Variants in ODC1 observed in about 807,000 individuals in gnomAD.
ODC1 encodes the protein ornithine decarboxylase.
Under a neutral mutation model 41.5 loss-of-function variants are expected in ODC1, and 18 were observed. That is an observed-to-expected ratio of 0.43 (90% CI 0.30 to 0.64). The LOEUF (loss-of-function observed/expected upper bound fraction) is 0.64, where lower values mean the gene tolerates loss of function less well. Among genes scored for constraint, ODC1 ranks in the 30% least tolerant of loss-of-function variants. The probability of loss-of-function intolerance (pLI) is 0.11; values close to 1 mark genes in which losing one functional copy is unlikely to be tolerated. For synonymous variants in ODC1, 218 were observed against 211.6 expected (o/e 1.03, Z -0.26); for missense variants, 504 against 589.0 (o/e 0.86, Z 1.49).
rs1261581474 is a variant in ODC1 at position 10,440,542 on chromosome 2, T to G, written c.*182A>C. ...AATAAAAATCCATATAAAACAAATA[T>G]TCAAATAGTTTCCATAGGAACACAG... On this transcript the variant is annotated 3_prime_UTR_variant, in exon 12 of 12. Coordinates refer to ENST00000234111, the MANE Select transcript of ODC1 (RefSeq NM_002539.3). 3.6e-6 allele frequency: 2 copies of G among 558,646 alleles called. No individual in the cohort carries two copies. Among genetic ancestry groups the G allele is most frequent in the African/African-American group, 3.8e-5 (2 of 52,008 alleles). 34.6% of individuals were successfully genotyped at this position (558,646 alleles called of 1,614,324 possible).
intron 6 of ODC1, 27 bp downstream of exon 6, chr2:10,443,675 C>T (rs1187833940): frequency 3.1e-6 from 5 of 1,613,140 alleles, no homozygotes; most frequent in African/African-American, 1.3e-5. Flanking sequence ...AATGTCTTGA[C>T]CTCTAGCTAT....
chr2:10,444,955 C>T lies in ODC1; in HGVS notation c.78G>A (p.Gln26=). 6.2e-7 allele frequency: 1 copy of T among 1,613,240 alleles called. No homozygotes were observed. The highest frequency in any genetic ancestry group is 8.5e-7 in the Non-Finnish European group (1 of 1,179,216). ...EGFTAKDILD[Q]KINEVSSSDD... is the part of the protein sequence containing the mutation. ...CAGAAGAAGAAACTTCATTAATTTT[C>T]TGGTCCAGAATGTCCTTGGCAGTAA... Residue 26 remains glutamine, a synonymous_variant, in exon 3 of 12, where the codon CAG becomes CAA. Coordinates refer to ENST00000234111, the MANE Select transcript of ODC1 (RefSeq NM_002539.3).
chr2:10,447,165 C>A (rs1487720529), intron 1 of ODC1, among the ~76,000 whole-genome samples: 1 of 152,072 alleles, frequency 6.6e-6, no homozygotes, highest in African/African-American at 2.4e-5. Context: ...TCTTTTAAGG[C>A]GTTACTTAAG....
At chr2:10,440,919 GC>G in intron 11 of ODC1, 51 bp from the exon 12 acceptor site, 1 of 1,595,706 alleles carries the variant, frequency 6.3e-7, no homozygotes, top group Non-Finnish European at 8.6e-7. Flanking sequence ...TCCTAACTGG[GC>G]ATGAGAGTAT....
At chr2:10,441,789 T>G (rs2148067251) in intron 10 of ODC1, 28 bp downstream of exon 10, 1 of 1,612,720 alleles carries the variant, frequency 6.2e-7, no homozygotes, top group South Asian at 1.1e-5. Context: ...TCCTCTTAAT[T>G]GTTTTATACA....
chr2:10,442,177 AAG>A lies in ODC1; in HGVS notation c.751-5_751-4del, dbSNP rs778045093. Reference sequence around the variant, plus strand: ...GCTGGGTTGATTACGCCGGTGATCTAAGAGAGTGAAACAGAAAAGAAAGAGCA... The same window carrying A: ...GCTGGGTTGATTACGCCGGTGATCTAAGAGTGAAACAGAAAAGAAAGAGCA... On this transcript the variant is annotated splice_region_variant and splice_polypyrimidine_tract_variant and intron_variant, in intron 8 of 11. Coordinates refer to ENST00000234111, the MANE Select transcript of ODC1 (RefSeq NM_002539.3). The A allele has an allele frequency of 3.1e-6, 5 of 1,591,680 alleles. No individual in the cohort carries two copies. The highest frequency in any genetic ancestry group is 4.3e-6 in the Non-Finnish European group (5 of 1,170,358).
chr2:10,444,436 T>A (rs1671943865), intron 4 of ODC1, 38 bp downstream of exon 4: 15 of 1,565,908 alleles, frequency 9.6e-6, no homozygotes, highest in African/African-American at 1.4e-5. Context: ...CCAGGCCCAT[T>A]TTATACAACG....
At position 10,448,194 on chromosome 2, in the gene ODC1, G is replaced by A. The variant is rs1288276879; in HGVS notation, c.-201C>T. 5.3e-6 allele frequency: 1 copy of A among 188,262 alleles called. No individual in the cohort carries two copies. Among genetic ancestry groups the A allele is most frequent in the African/African-American group, 2.4e-5 (1 of 42,032 alleles). 11.7% of individuals were successfully genotyped at this position (188,262 alleles called of 1,614,324 possible). A position where few individuals can be genotyped will look rare whatever the true frequency, so the allele number is the denominator to read the frequency against. On this transcript the variant is annotated 5_prime_UTR_variant, in exon 1 of 12. Coordinates refer to ENST00000234111, the MANE Select transcript of ODC1 (RefSeq NM_002539.3). Reference sequence around the variant, plus strand: ...GCCGGAGCCTGAGTCGCAGCCGCAGGAGCGCTCGGCCGCCCCCGCCGCGCC... The same window carrying A: ...GCCGGAGCCTGAGTCGCAGCCGCAGAAGCGCTCGGCCGCCCCCGCCGCGCC...
At chr2:10,442,932 C>CA (rs1671879333) in intron 8 of ODC1, among the ~76,000 whole-genome samples, 1 of 152,076 alleles carries the variant, frequency 6.6e-6, no homozygotes, top group South Asian at 2.1e-4. Context: ...AGGCTGGTCT[C>CA]AAACTCCTGG....
rs1387847957 is a variant in ODC1, at chr2:10,445,081, GA to G, written c.-17-33del. ...TGCAACAAAATGCAAATAGAGTGGA[GA>G]AATTCACTTAGAAGCCTTAGCAATA... On this transcript the variant is annotated intron_variant, in intron 2 of 11. Coordinates refer to ENST00000234111, the MANE Select transcript of ODC1 (RefSeq NM_002539.3). 3 of 1,151,710 alleles carry G rather than the reference GA, an allele frequency of 2.6e-6. No homozygotes were observed. The South Asian group carries it at 3.7e-5, about 14-fold the overall frequency. The allele number at this position is 1,151,710 out of a possible 1,614,324, so 71.3% of individuals were successfully genotyped here.
chr2:10,441,982 T>A (rs766325749), intron 9 of ODC1, 30 bp downstream of exon 9: 7 of 1,613,314 alleles, frequency 4.3e-6, no homozygotes, highest in Non-Finnish European at 5.9e-6. Flanking sequence ...CTTTCAGTTA[T>A]ACATGAAGTG....
chr2:10,442,885 A>AT (rs3832141), intron 8 of ODC1, among the ~76,000 whole-genome samples: 8 of 151,382 alleles, frequency 5.3e-5, no homozygotes, highest in Admixed American at 2.6e-4. Context: ...TAATTTTAAA[A>AT]TTTTTTTTGT....
chr2:10,443,170 T>C, intron 8 of ODC1, 60 bp downstream of exon 8: 3 of 1,350,022 alleles, frequency 2.2e-6, no homozygotes, highest in Non-Finnish European at 3.1e-6. Context: ...AATTTTGAAA[T>C]ATTCCAAAAA....
chr2:10,446,866 A>G, intron 1 of ODC1: 1 of 207,832 alleles, frequency 4.8e-6, no homozygotes, highest in Non-Finnish European at 1.0e-5. Flanking sequence ...TTTGCTTTAA[A>G]GCTCTATCTA....
At position 10,440,797 on chromosome 2, in the gene ODC1, G is replaced by A; in HGVS notation, c.1313C>T (p.Pro438Leu). The A allele has an allele frequency of 6.2e-7, 1 of 1,614,068 alleles. No homozygotes were observed. Among genetic ancestry groups the A allele is most frequent in the African/African-American group, 1.3e-5 (1 of 75,012 alleles). ...CCCACTCTCCCAGGCACAAGACACA[G>A]GCAGGGTGCTGGCATCCTGTTCCTC... Reference protein sequence around the residue: ...EVEEQDASTLPVSCAWESGMK... With the variant: ...EVEEQDASTLLVSCAWESGMK... The change falls in exon 12 of 12, where the codon CCT becomes CTT. Residue 438 changes from proline (P) to leucine (L), a missense_variant. Pro to Leu is a moderately conservative substitution (Grantham distance 98). This residue lies in a region of ODC1 where 447 missense variants were observed against 524.4 expected (regional missense o/e 0.85). Coordinates refer to ENST00000234111, the MANE Select transcript of ODC1 (RefSeq NM_002539.3).
Position 10,440,590 on chromosome 2 carries a change from T to C in ODC1, c.*134A>G. On this transcript the variant is annotated 3_prime_UTR_variant, in exon 12 of 12. Transcript: ENST00000234111. ...CAGATAAGTGTGACCCATATCCTAG[T>C]CTTCCATATGGCTGCATCATGGCGA... 1.3e-6 allele frequency: 1 copy of C among 777,740 alleles called. No homozygotes were observed. Among genetic ancestry groups the C allele is most frequent in the South Asian group, 1.8e-5 (1 of 55,238 alleles). The allele number at this position is 777,740 out of a possible 1,614,324, so 48.2% of individuals were successfully genotyped here.
chr2:10,443,891 A>C, intron 5 of ODC1, 55 bp from the exon 6 acceptor site: 2 of 1,598,380 alleles, frequency 1.3e-6, no homozygotes, highest in Non-Finnish European at 8.6e-7. Context: ...ACTTATAGCC[A>C]CAATTAAAAT....
intron 4 of ODC1, 31 bp downstream of exon 4, chr2:10,444,443 A>C (rs763593017): frequency 6.4e-6 from 10 of 1,573,288 alleles, no homozygotes; most frequent in Non-Finnish European, 8.6e-6. Context: ...CATTTTATAC[A>C]ACGCTTTTGA....
chr2:10,440,239 C>A lies in ODC1; in HGVS notation c.*485G>T, dbSNP rs1356602868. 6.4e-6 allele frequency: 1 copy of A among 156,276 alleles called. No homozygotes were observed. Among genetic ancestry groups the A allele is most frequent in the African/African-American group, 2.4e-5 (1 of 41,464 alleles). The allele number at this position is 156,276 out of a possible 1,614,324, so 9.7% of individuals were successfully genotyped here. Reference sequence around the variant, plus strand: ...GGTGGGCTGAGCAGATGTGCACCGTCCACATGGGAGGATGGGGCTTCCGTC... The same window carrying A: ...GGTGGGCTGAGCAGATGTGCACCGTACACATGGGAGGATGGGGCTTCCGTC... On this transcript the variant is annotated 3_prime_UTR_variant, in exon 12 of 12. Coordinates refer to ENST00000234111, the MANE Select transcript of ODC1 (RefSeq NM_002539.3).
Sources: allele counts gnomAD v4.1 joint callset (sites outside exome capture counted in the v4.1 genomes callset), GRCh38; gene constraint gnomAD v4.1.1; regional missense constraint gnomAD v4.1.1; transcripts MANE v1.5; gene names NCBI Gene and HGNC (gene_info 2026-07-23, HGNC 2026-07-21).